The following EEPD1 variants were observed in gnomAD, a reference collection of about 807,000 sequenced individuals.
The protein encoded by EEPD1 is endonuclease/exonuclease/phosphatase family domain-containing protein 1.
In EEPD1, 17 loss-of-function variants were observed where a neutral mutation model predicts 46.3. That is an observed-to-expected ratio of 0.37 (90% CI 0.25 to 0.55). The LOEUF is 0.55. EEPD1 is among the 20% of genes least tolerant of loss of function. The pLI, the probability that EEPD1 is intolerant of heterozygous loss-of-function variation, is 0.83. For missense variants in EEPD1, 673 were observed against 745.6 expected, an observed-to-expected ratio of 0.90 and a Z score of 1.13; for synonymous variants, 313 against 315.6, an observed-to-expected ratio of 0.99 and a Z score of 0.09.
chr7:36,259,787 A>T (rs911081166), intron 3 of EEPD1, among the ~76,000 whole-genome samples: 1 of 152,218 alleles, frequency 6.6e-6, no homozygotes, highest in African/African-American at 2.4e-5. Flanking sequence ...GAGTGCTGGG[A>T]TTACAGGCAT....
intron 3 of EEPD1, among the ~76,000 whole-genome samples, chr7:36,272,792 G>A (rs898382310): frequency 6.6e-6 from 1 of 152,202 alleles, no homozygotes; most frequent in African/African-American, 2.4e-5. Context: ...GGCCCCCATG[G>A]AAGAAGAATG....
chr7:36,163,395 T>C (rs148122425), intron 2 of EEPD1, among the ~76,000 whole-genome samples: 4 of 152,282 alleles, frequency 2.6e-5, no homozygotes, highest in Non-Finnish European at 5.9e-5. Flanking sequence ...CACTTGGTGG[T>C]AGAGGTTGTG....
chr7:36,164,150 A>G (rs11496028), intron 2 of EEPD1, among the ~76,000 whole-genome samples: 22,967 of 152,236 alleles, frequency 0.15, 2,194 homozygotes, highest in Non-Finnish European at 0.21. Context: ...TATATTTTTT[A>G]TGACTTTTCT....
intron 2 of EEPD1, among the ~76,000 whole-genome samples, chr7:36,208,862 T>C (rs1785871644): frequency 6.6e-6 from 1 of 152,178 alleles, no homozygotes; most frequent in Admixed American, 6.5e-5. Context: ...GAATGCAGAT[T>C]CTCAGGCCCT....
At chr7:36,266,687 T>G (rs1472223351) in intron 3 of EEPD1, among the ~76,000 whole-genome samples, 1 of 152,184 alleles carries the variant, frequency 6.6e-6, no homozygotes, top group African/African-American at 2.4e-5. Flanking sequence ...CAAGATATTT[T>G]TATCATCCAA....
At position 36,225,898 on chromosome 7, in the gene EEPD1, G is replaced by A. The variant is rs1006678948; in HGVS notation, c.879-13087G>A. ...ATTCTCAGATGTGCAGGGGCTTAGG[G>A]AAGTATACAAACATGCTCCTTTCTT... On this transcript the variant is annotated intron_variant, in intron 2 of 7. Coordinates refer to ENST00000242108, the MANE Select transcript of EEPD1 (RefSeq NM_030636.3). This position sits in a 1 kb window ranked among gnomAD's most constrained non-coding sequence, Gnocchi z 4.2. Among the ~76,000 whole-genome samples the A allele has an allele frequency of 6.6e-6, 1 of 152,198 alleles. No individual in the cohort carries two copies. The highest frequency in any genetic ancestry group is 6.5e-5 in the Admixed American group (1 of 15,284).
At position 36,193,113 on chromosome 7, in the gene EEPD1, G is replaced by A. The variant is rs1207015508; in HGVS notation, c.878+37911G>A. ...ACCCCCAGCCCAGTGGGGGAGGCAA[G>A]CCGGGCACAGAGCAGTGCGTCATGA... On this transcript the variant is annotated intron_variant, in intron 2 of 7. Coordinates refer to ENST00000242108, the MANE Select transcript of EEPD1 (RefSeq NM_030636.3). This position sits in a 1 kb window ranked among gnomAD's most constrained non-coding sequence, Gnocchi z 4.9. Among the ~76,000 whole-genome samples the A allele has an allele frequency of 1.3e-5, 2 of 152,228 alleles. No individual in the cohort carries two copies. Among genetic ancestry groups the A allele is most frequent in the Non-Finnish European group, 2.9e-5 (2 of 68,038 alleles).
chr7:36,293,354 A>C (rs1054813867), intron 6 of EEPD1, among the ~76,000 whole-genome samples: 1 of 152,222 alleles, frequency 6.6e-6, no homozygotes, highest in African/African-American at 2.4e-5. Flanking sequence ...ACCAGGTCTC[A>C]GCAGAGCTCT....
chr7:36,263,568 T>C (rs1168354252), intron 3 of EEPD1, among the ~76,000 whole-genome samples: 1 of 152,076 alleles, frequency 6.6e-6, no homozygotes, highest in Non-Finnish European at 1.5e-5. Context: ...TCTTCAGGGG[T>C]CAGAAGTGTC....
At chr7:36,191,164 A>T (rs1384279260) in intron 2 of EEPD1, among the ~76,000 whole-genome samples, 1 of 152,244 alleles carries the variant, frequency 6.6e-6, no homozygotes, top group Non-Finnish European at 1.5e-5. Context: ...TCTCCTGAGA[A>T]GTCCTGGTTT....
At chr7:36,223,698 C>T (rs1352578687) in intron 2 of EEPD1, among the ~76,000 whole-genome samples, 1 of 152,162 alleles carries the variant, frequency 6.6e-6, no homozygotes, top group Non-Finnish European at 1.5e-5. Context: ...AAATAGAAAT[C>T]GAAATCCCTG....
At chr7:36,244,054 T>TA (rs975692415) in intron 3 of EEPD1, among the ~76,000 whole-genome samples, 22 of 150,556 alleles carry the variant, frequency 1.5e-4, no homozygotes, top group African/African-American at 2.0e-4. Context: ...TAATAATAAT[T>TA]AAAAAAAAAG....
chr7:36,185,300 G>A (rs1161300594), intron 2 of EEPD1, among the ~76,000 whole-genome samples: 1 of 152,154 alleles, frequency 6.6e-6, no homozygotes, highest in Non-Finnish European at 1.5e-5. Context: ...GGTTCCTGAG[G>A]CCCCTGCCTG....
intron 3 of EEPD1, among the ~76,000 whole-genome samples, chr7:36,239,548 A>G (rs1786518205): frequency 2.0e-5 from 3 of 152,182 alleles, no homozygotes; most frequent in Admixed American, 2.0e-4. Flanking sequence ...AGTCAAGTTC[A>G]TGCGTTTTTA....
intron 3 of EEPD1, among the ~76,000 whole-genome samples, chr7:36,257,153 C>T (rs1278477127): frequency 6.6e-6 from 1 of 152,204 alleles, no homozygotes; most frequent in Admixed American, 6.5e-5. Context: ...TTGGCCCCCA[C>T]TTTCTTATGG....
At chr7:36,218,212 G>C (rs960324308) in intron 2 of EEPD1, among the ~76,000 whole-genome samples, 4 of 152,142 alleles carry the variant, frequency 2.6e-5, no homozygotes, top group African/African-American at 9.7e-5. Flanking sequence ...GAATACAGTA[G>C]TCCCCCTTGT....
At position 36,276,571 on chromosome 7, in the gene EEPD1, G is replaced by T. The variant is rs2160273; in HGVS notation, c.931-4544G>T. 3.3e-5 allele frequency among the ~76,000 whole-genome samples: 5 copies of T among 152,240 alleles called. No individual in the cohort carries two copies. In the South Asian group the frequency reaches 8.3e-4, roughly 25 times the overall value. On this transcript the variant is annotated intron_variant, in intron 3 of 7. Transcript: ENST00000242108. ...CAGCCACAAGTCAGAGGCTTTTGAC[G>T]TACAGGGTCCCGGGAGAGCCAAAAT...
intron 3 of EEPD1, among the ~76,000 whole-genome samples, chr7:36,245,228 A>G (rs1265051094): frequency 5.9e-5 from 9 of 152,112 alleles, no homozygotes; most frequent in Non-Finnish European, 8.8e-5. Context: ...GATTACAGAC[A>G]TGAGCTACCG....
At chr7:36,220,958 C>A (rs1270424015) in intron 2 of EEPD1, among the ~76,000 whole-genome samples, 2 of 152,134 alleles carry the variant, frequency 1.3e-5, no homozygotes, top group Non-Finnish European at 1.5e-5. Context: ...CACCACCACA[C>A]ACCACCACAC....
Sources: allele counts gnomAD v4.1 joint callset (sites outside exome capture counted in the v4.1 genomes callset), GRCh38; gene constraint gnomAD v4.1.1; non-coding constraint Gnocchi (gnomAD v3.1); transcripts MANE v1.5; gene names NCBI Gene and HGNC (gene_info 2026-07-23, HGNC 2026-07-21).